The following HIPK2 variants were observed in gnomAD, a reference collection of about 807,000 sequenced individuals.
HIPK2 encodes homeodomain interacting protein kinase 2.
HIPK2 carries 27 observed loss-of-function variants against 113.7 expected under a neutral mutation model. That is an observed-to-expected ratio of 0.24 (90% CI 0.17 to 0.33). The LOEUF (loss-of-function observed/expected upper bound fraction) is 0.33, where lower values mean the gene tolerates loss of function less well. Among genes scored for constraint, HIPK2 ranks in the 10% least tolerant of loss-of-function variants. The pLI is 1.00. For missense variants in HIPK2, 1,257 were observed against 1,588.0 expected, an observed-to-expected ratio of 0.79 and a Z score of 3.54; for synonymous variants, 631 against 642.2, an observed-to-expected ratio of 0.98 and a Z score of 0.26.
At chr7:139,675,139 A>G (rs889271143) in intron 2 of HIPK2, among the ~76,000 whole-genome samples, 3 of 152,256 alleles carry the variant, frequency 2.0e-5, no homozygotes, top group African/African-American at 7.2e-5. Context: ...TCTTACCGTT[A>G]TTAACCTGAT....
chr7:139,631,517 G>A lies in HIPK2; in HGVS notation c.1227+85C>T. 1.3e-6 allele frequency: 2 copies of A among 1,560,612 alleles called. No homozygotes were observed. The highest frequency in any genetic ancestry group is 1.7e-6 in the Non-Finnish European group (2 of 1,151,872). ...TGACATTCCACAGTCCCGCCCATTT[G>A]TCATGTAATCAATGAAATGCTAATC... On this transcript the variant is annotated intron_variant, in intron 3 of 14. Coordinates refer to ENST00000406875, the MANE Select transcript of HIPK2 (RefSeq NM_022740.5). The surrounding 1 kb of genome is among the most constrained non-coding windows in gnomAD (Gnocchi z 4.9).
intron 2 of HIPK2, among the ~76,000 whole-genome samples, chr7:139,664,615 C>T (rs1199634204): frequency 6.6e-6 from 1 of 152,152 alleles, no homozygotes; most frequent in African/African-American, 2.4e-5. Context: ...ACCCTTCCTG[C>T]TATGGCGCAA....
At chr7:139,762,217 T>C (rs1052629480) in intron 1 of HIPK2, among the ~76,000 whole-genome samples, 4 of 152,310 alleles carry the variant, frequency 2.6e-5, no homozygotes, top group Non-Finnish European at 2.9e-5. Context: ...ATTGCTTAGA[T>C]GATTCTCTGA....
intron 1 of HIPK2, among the ~76,000 whole-genome samples, chr7:139,765,266 A>G (rs1796534888): frequency 6.6e-6 from 1 of 152,202 alleles, no homozygotes; most frequent in African/African-American, 2.4e-5. Context: ...GACAAACCTC[A>G]ATGTTACATA....
rs955541940 is a variant in HIPK2 at position 139,774,942 on chromosome 7, C to T, written c.19+2663G>A. ...GCCCTGGAAGACTGATTCTCTTTGC[C>T]ACCCATTAATTGGTATTATCAAATA... On this transcript the variant is annotated intron_variant, in intron 1 of 14. Coordinates refer to ENST00000406875, the MANE Select transcript of HIPK2 (RefSeq NM_022740.5). Among the ~76,000 whole-genome samples the T allele has an allele frequency of 3.8e-4, 58 of 152,166 alleles. 1 individual carries two copies. Among genetic ancestry groups the T allele is most frequent in the Non-Finnish European group, 1.8e-4 (12 of 68,030 alleles).
chr7:139,674,873 G>C (rs1052573115), intron 2 of HIPK2, among the ~76,000 whole-genome samples: 1 of 152,168 alleles, frequency 6.6e-6, no homozygotes. Context: ...ATATGGACTG[G>C]AGGTTCCATC....
At chr7:139,763,078 G>C (rs1252016948) in intron 1 of HIPK2, among the ~76,000 whole-genome samples, 1 of 152,168 alleles carries the variant, frequency 6.6e-6, no homozygotes, top group Non-Finnish European at 1.5e-5. Context: ...TGTGGGAAAG[G>C]GTGCTGAAGC....
chr7:139,767,477 A>C (rs1796572519), intron 1 of HIPK2, among the ~76,000 whole-genome samples: 1 of 152,242 alleles, frequency 6.6e-6, no homozygotes, highest in Non-Finnish European at 1.5e-5. Flanking sequence ...AGTGGGAAAA[A>C]ATAAATAGGT....
At chr7:139,707,522 A>G (rs1203608767) in intron 2 of HIPK2, among the ~76,000 whole-genome samples, 1 of 152,234 alleles carries the variant, frequency 6.6e-6, no homozygotes, top group African/African-American at 2.4e-5. Flanking sequence ...AAAATGATTC[A>G]AGGTGACAAA....
At chr7:139,751,769 A>T (rs73474137) in intron 1 of HIPK2, among the ~76,000 whole-genome samples, 2,041 of 152,280 alleles carry the variant, frequency 0.013, 41 homozygotes, top group African/African-American at 0.047. Flanking sequence ...TAAGAATCAC[A>T]ATCTTCTTCA....
chr7:139,752,562 T>G (rs930065570), intron 1 of HIPK2, among the ~76,000 whole-genome samples: 4 of 152,058 alleles, frequency 2.6e-5, no homozygotes, highest in Admixed American at 2.6e-4. Context: ...AGCTAACTTA[T>G]GGGGTTAGGA....
At chr7:139,723,516 A>G (rs1291260013) in intron 1 of HIPK2, among the ~76,000 whole-genome samples, 2 of 152,194 alleles carry the variant, frequency 1.3e-5, no homozygotes, top group African/African-American at 2.4e-5. Context: ...TTTTTAAAAA[A>G]TGACATTTGT....
intron 2 of HIPK2, among the ~76,000 whole-genome samples, chr7:139,663,373 C>G (rs960443490): frequency 6.6e-6 from 1 of 152,152 alleles, no homozygotes; most frequent in African/African-American, 2.4e-5. Context: ...CAGTGCAATG[C>G]AGCTGGAGAG....
intron 2 of HIPK2, among the ~76,000 whole-genome samples, chr7:139,664,046 C>T (rs756926809): frequency 1.3e-5 from 2 of 152,204 alleles, no homozygotes; most frequent in African/African-American, 4.8e-5. Flanking sequence ...GAGTCCCTGA[C>T]GACCCTCCTC....
At chr7:139,745,293 G>C (rs187088488) in intron 1 of HIPK2, among the ~76,000 whole-genome samples, 1 of 152,130 alleles carries the variant, frequency 6.6e-6, no homozygotes, top group Non-Finnish European at 1.5e-5. Flanking sequence ...ACCAGGGTGC[G>C]ACTGTTCCAA....
At chr7:139,644,813 C>T (rs11979698) in intron 2 of HIPK2, among the ~76,000 whole-genome samples, 1,786 of 152,224 alleles carry the variant, frequency 0.012, 27 homozygotes, top group African/African-American at 0.039. Context: ...GCAGATGTGG[C>T]GTCTTCACTT....
intron 1 of HIPK2, among the ~76,000 whole-genome samples, chr7:139,753,610 GT>G (rs1403026173): frequency 3.3e-5 from 5 of 152,232 alleles, no homozygotes; most frequent in Non-Finnish European, 7.3e-5. Flanking sequence ...ATGGATCATA[GT>G]AACCAGCTTG....
At chr7:139,686,834 G>C (rs1569474396) in intron 2 of HIPK2, among the ~76,000 whole-genome samples, 1 of 152,220 alleles carries the variant, frequency 6.6e-6, no homozygotes, top group Non-Finnish European at 1.5e-5. Flanking sequence ...CTCCAAATTT[G>C]AAAGTTCTAC....
chr7:139,724,894 T>C lies in HIPK2; in HGVS notation c.20-7879A>G, dbSNP rs552567744. ...AACCAACCCAAATGTCCAACAATGA[T>C]AGACTGGATTAAGAAAATGTGGCAC... On this transcript the variant is annotated intron_variant, in intron 1 of 14. Transcript: ENST00000406875. Among the ~76,000 whole-genome samples the C allele has an allele frequency of 3.3e-5, 5 of 152,146 alleles. No individual in the cohort carries two copies. In the East Asian group the frequency reaches 7.7e-4, roughly 23 times the overall value.
Sources: allele counts gnomAD v4.1 joint callset (sites outside exome capture counted in the v4.1 genomes callset), GRCh38; gene constraint gnomAD v4.1.1; non-coding constraint Gnocchi (gnomAD v3.1); transcripts MANE v1.5; gene names NCBI Gene and HGNC (gene_info 2026-07-23, HGNC 2026-07-21).